Variants in IFT80 observed in about 807,000 individuals in gnomAD.
IFT80 encodes intraflagellar transport 80.
Under a neutral mutation model 107.9 loss-of-function variants are expected in IFT80, and 79 were observed. That is an observed-to-expected ratio of 0.73 (90% confidence interval 0.61 to 0.88). The LOEUF is 0.88. Among genes scored for constraint, IFT80 ranks in the 40% least tolerant of loss-of-function variants. IFT80 has a pLI of 0.00. For synonymous variants in IFT80, 299 were observed against 300.9 expected (o/e 0.99, Z 0.07); for missense variants, 797 against 914.2 (o/e 0.87, Z 1.65).
chr3:160,258,644 G>GAA lies in IFT80; in HGVS notation c.2224-11_2224-10dup, dbSNP rs58665245. 3,431 of 1,487,402 alleles carry GAA rather than the reference G, an allele frequency of 2.3e-3. No individual in the cohort carries two copies. The highest frequency in any genetic ancestry group is 2.4e-3 in the Non-Finnish European group (2,668 of 1,094,656). 92.1% of individuals were successfully genotyped at this position (1,487,402 alleles called of 1,614,324 possible). On this transcript the variant is annotated splice_polypyrimidine_tract_variant and intron_variant, in intron 19 of 19. Transcript: ENST00000326448. ...TCCCAATCTATTTGGAGCTGCAATA[G>GAA]AAAAAAAAAAGAAGAAATATGCTTA...
intron 16 of IFT80, among the ~76,000 whole-genome samples, chr3:160,278,880 G>T (rs1243409191): frequency 3.3e-5 from 5 of 152,214 alleles, no homozygotes; most frequent in African/African-American, 1.2e-4. Flanking sequence ...ATATGCCCAG[G>T]ACTCAATCCA....
intron 8 of IFT80, among the ~76,000 whole-genome samples, chr3:160,338,038 A>G (rs1402653501): frequency 6.6e-6 from 1 of 152,090 alleles, no homozygotes; most frequent in Non-Finnish European, 1.5e-5. Context: ...ATTCTCTATC[A>G]CTTTCTATCA....
Position 160,322,497 on chromosome 3 carries a change from C to T in IFT80, c.778-2558G>A, listed in dbSNP as rs536983308. Among the ~76,000 whole-genome samples the T allele has an allele frequency of 5.3e-5, 8 of 152,112 alleles. No homozygotes were observed. In the East Asian group the frequency reaches 1.2e-3, roughly 22 times the overall value. On this transcript the variant is annotated intron_variant, in intron 8 of 19. Coordinates refer to ENST00000326448, the MANE Select transcript of IFT80 (RefSeq NM_020800.3). Reference sequence around the variant, plus strand: ...TGTGAATAGTGCTACAATCAATATACGTGTGCATGTGTCTTTATAACAGCA... The same window carrying T: ...TGTGAATAGTGCTACAATCAATATATGTGTGCATGTGTCTTTATAACAGCA...
chr3:160,270,694 C>T, intron 18 of IFT80, among the ~76,000 whole-genome samples: 1 of 152,112 alleles, frequency 6.6e-6, no homozygotes, highest in East Asian at 1.9e-4. Flanking sequence ...AAAGGAGAAA[C>T]AGAAGTAAAG....
rs182455559 is a variant in IFT80 at position 160,387,018 on chromosome 3, G to C, written c.-46-2372C>G. ...GATGCAATGGATGGTATACAAAAAA[G>C]AGCCTATCAGGAGGGAAAATGAATA... On this transcript the variant is annotated intron_variant, in intron 1 of 19. Transcript: ENST00000326448. 1.6e-4 allele frequency among the ~76,000 whole-genome samples: 24 copies of C among 152,270 alleles called. No homozygotes were observed. In the East Asian group the frequency reaches 4.6e-3, roughly 29 times the overall value.
rs778019318 is a variant in IFT80, at chr3:160,279,363, C to T, written c.1666G>A (p.Glu556Lys). Reference sequence around the variant, plus strand: ...ACAATATGGGGATTTTTACTAAATTCACTGTTGAAAAAAAAAGCAAAGTAC... The same window carrying T: ...ACAATATGGGGATTTTTACTAAATTTACTGTTGAAAAAAAAAGCAAAGTAC... ...PKTLYERDAS[E>K]FSKNPHIVSF... is the part of the protein sequence containing the mutation. Residue 556 changes from glutamate (E) to lysine (K), a missense_variant and splice_region_variant, in exon 16 of 20, where the codon GAA (glutamate) becomes AAA (lysine). Glu to Lys is a moderately conservative substitution (Grantham distance 56, BLOSUM62 1). Transcript: ENST00000326448. The T allele has an allele frequency of 1.2e-6, 2 of 1,610,650 alleles. No individual in the cohort carries two copies. The highest frequency in any genetic ancestry group is 2.2e-5 in the South Asian group (2 of 90,930).
At chr3:160,294,330 C>A (rs1269637166) in intron 12 of IFT80, among the ~76,000 whole-genome samples, 1 of 152,150 alleles carries the variant, frequency 6.6e-6, no homozygotes, top group African/African-American at 2.4e-5. Flanking sequence ...AAGCTATCTT[C>A]CCACCTCAGC....
chr3:160,341,015 C>CA (rs1719853351), intron 8 of IFT80, among the ~76,000 whole-genome samples: 1 of 108,930 alleles, frequency 9.2e-6, no homozygotes, highest in African/African-American at 3.6e-5. Flanking sequence ...ATTTTTACTA[C>CA]CTTTTTTTTT....
At chr3:160,265,068 C>A (rs1243939880) in intron 19 of IFT80, among the ~76,000 whole-genome samples, 9 of 152,186 alleles carry the variant, frequency 5.9e-5, no homozygotes, top group Admixed American at 5.9e-4. Flanking sequence ...GCAATTATCA[C>A]AATTGAAATG....
At chr3:160,302,667 G>A (rs545249007) in intron 11 of IFT80, among the ~76,000 whole-genome samples, 11 of 151,748 alleles carry the variant, frequency 7.2e-5, no homozygotes, top group Admixed American at 1.3e-4. Flanking sequence ...AATTTATTTC[G>A]AACTGTTAAA....
At chr3:160,265,318 G>C (rs949703072) in intron 19 of IFT80, among the ~76,000 whole-genome samples, 1 of 152,112 alleles carries the variant, frequency 6.6e-6, no homozygotes, top group African/African-American at 2.4e-5. Flanking sequence ...GCAGCTTTTC[G>C]GTAGTAGCTA....
intron 3 of IFT80, among the ~76,000 whole-genome samples, chr3:160,380,200 A>C (rs141174982): frequency 6.6e-6 from 1 of 151,318 alleles, no homozygotes; most frequent in African/African-American, 2.4e-5. Flanking sequence ...GCCTAGCTAA[A>C]ATTTTTTTGT....
At chr3:160,341,428 G>T (rs531331929) in intron 8 of IFT80, among the ~76,000 whole-genome samples, 2 of 151,720 alleles carry the variant, frequency 1.3e-5, no homozygotes, top group Non-Finnish European at 2.9e-5. Context: ...TGTGGTACTG[G>T]ATTATTAAAG....
At position 160,396,685 on chromosome 3, in the gene IFT80, T is replaced by C. The variant is rs574089114; in HGVS notation, c.-47+2461A>G. Among the ~76,000 whole-genome samples, 28 of 152,316 alleles carry C rather than the reference T, an allele frequency of 1.8e-4. 1 individual carries two copies. The South Asian group carries it at 3.5e-3, about 19-fold the overall frequency. ...AGACTAGGAAGATAAGACCCAGTTA[T>C]AGCAATACTTTCCAAAATGACTGTA... On this transcript the variant is annotated intron_variant, in intron 1 of 19. Transcript: ENST00000326448.
intron 3 of IFT80, among the ~76,000 whole-genome samples, chr3:160,379,472 T>C (rs1393376762): frequency 1.3e-5 from 2 of 152,202 alleles, no homozygotes; most frequent in Non-Finnish European, 2.9e-5. Flanking sequence ...AGAAAATTCT[T>C]ATTCTTAGGA....
chr3:160,346,066 C>A (rs1483332150), intron 8 of IFT80, among the ~76,000 whole-genome samples: 2 of 151,962 alleles, frequency 1.3e-5, no homozygotes, highest in African/African-American at 4.8e-5. Flanking sequence ...ATAAAAAAAT[C>A]AAATCTATAA....
intron 15 of IFT80, among the ~76,000 whole-genome samples, 181 bp downstream of exon 15, chr3:160,280,486 C>G: frequency 6.6e-6 from 1 of 152,050 alleles, no homozygotes; most frequent in Admixed American, 6.5e-5. Flanking sequence ...CATATCATAC[C>G]ACACTTTCAA....
At chr3:160,312,659 A>G (rs1276840805) in intron 9 of IFT80, among the ~76,000 whole-genome samples, 1 of 45,358 alleles carries the variant, frequency 2.2e-5, no homozygotes, top group Non-Finnish European at 3.8e-5. Context: ...ATATAAATAT[A>G]TAATATATAA....
Position 160,288,258 on chromosome 3 carries a change from G to A in IFT80, c.1316-2390C>T, listed in dbSNP as rs561107493. Among the ~76,000 whole-genome samples, 14 of 152,218 alleles carry A rather than the reference G, an allele frequency of 9.2e-5. No homozygotes were observed. In the East Asian group the frequency reaches 1.4e-3, roughly 15 times the overall value. ...TGAGGCAGGAGAATGGCGTGAACCC[G>A]GGAGGCGGAGCTTGCAGTGAGCCGA... On this transcript the variant is annotated intron_variant, in intron 12 of 19. Transcript: ENST00000326448.
Sources: allele counts gnomAD v4.1 joint callset (sites outside exome capture counted in the v4.1 genomes callset), GRCh38; gene constraint gnomAD v4.1.1; transcripts MANE v1.5; gene names NCBI Gene and HGNC (gene_info 2026-07-23, HGNC 2026-07-21).